NFIA: variants seen among roughly 807,000 people sequenced by gnomAD.
NFIA encodes the protein nuclear factor I A.
A neutral mutation model predicts 62.8 loss-of-function variants in NFIA; 8 were observed. The observed-to-expected ratio is 0.13, with a 90% CI of 0.07 to 0.23. NFIA has a LOEUF of 0.23. NFIA is among the 10% of genes least tolerant of loss of function. NFIA has a pLI of 1.00. For missense variants in NFIA, 410 were observed against 642.1 expected (o/e 0.64, Z 3.91); for synonymous variants, 235 against 238.1 (o/e 0.99, Z 0.12).
At chr1:61,430,240 T>C (rs995682322) in intron 10 of NFIA, among the ~76,000 whole-genome samples, 4 of 152,240 alleles carry the variant, frequency 2.6e-5, no homozygotes, top group African/African-American at 9.6e-5. Context: ...CTAATTATCA[T>C]GCCCAGCACA....
intron 3 of NFIA, among the ~76,000 whole-genome samples, chr1:61,309,981 T>G (rs1660011873): frequency 6.6e-6 from 1 of 152,254 alleles, no homozygotes; most frequent in African/African-American, 2.4e-5. Flanking sequence ...TTGCTTCTCT[T>G]TTAACTTTTT....
Position 61,328,428 on chromosome 1 carries a change from A to AT in NFIA, c.626-4083dup, listed in dbSNP as rs386353990. 7.5e-3 allele frequency among the ~76,000 whole-genome samples: 247 copies of AT among 32,810 alleles called. 1 individual carries two copies. The highest frequency in any genetic ancestry group is 0.051 in the South Asian group (40 of 780). The allele number at this position is 32,810 out of a possible 152,430, so 21.5% of individuals were successfully genotyped here. ...TTCATATCATTTATTTTATATATATATATTTTTTTCGAGACGGAATTTCGC... is the reference window on the plus strand; with the variant it reads ...TTCATATCATTTATTTTATATATATATTATTTTTTTCGAGACGGAATTTCGC... On this transcript the variant is annotated intron_variant, in intron 3 of 10. Transcript: ENST00000403491.
intron 7 of NFIA, among the ~76,000 whole-genome samples, chr1:61,386,216 C>A (rs1012649454): frequency 6.6e-6 from 1 of 152,006 alleles, no homozygotes; most frequent in Non-Finnish European, 1.5e-5. Context: ...AAGATGAGGC[C>A]AAAATTGAGG....
chr1:61,361,708 TA>T (rs1180174191), intron 6 of NFIA, among the ~76,000 whole-genome samples: 3 of 152,028 alleles, frequency 2.0e-5, no homozygotes, highest in Non-Finnish European at 2.9e-5. Flanking sequence ...TCATAAATTT[TA>T]ACATTTGAAT....
At chr1:61,100,773 T>G (rs1434325683) in intron 2 of NFIA, among the ~76,000 whole-genome samples, 1 of 151,942 alleles carries the variant, frequency 6.6e-6, no homozygotes, top group Non-Finnish European at 1.5e-5. Flanking sequence ...AAAAAAATAT[T>G]TTGTGGAGAT....
intron 10 of NFIA, among the ~76,000 whole-genome samples, chr1:61,432,767 A>G (rs1667162015): frequency 6.6e-6 from 1 of 151,996 alleles, no homozygotes; most frequent in Non-Finnish European, 1.5e-5. Context: ...CACAGCTGCA[A>G]ACTCCCAAGA....
chr1:61,401,271 T>G (rs1665543919), intron 7 of NFIA, among the ~76,000 whole-genome samples: 1 of 152,250 alleles, frequency 6.6e-6, no homozygotes. Flanking sequence ...TTGATTCTTA[T>G]AAATCAGTCA....
At chr1:61,197,147 G>A (rs1342696502) in intron 2 of NFIA, among the ~76,000 whole-genome samples, 1 of 151,018 alleles carries the variant, frequency 6.6e-6, no homozygotes, top group Non-Finnish European at 1.5e-5. Flanking sequence ...TATTCCAGAA[G>A]AATTTCATTA....
intron 2 of NFIA, among the ~76,000 whole-genome samples, chr1:61,157,773 C>T (rs945884590): frequency 7.9e-5 from 12 of 152,158 alleles, no homozygotes; most frequent in Non-Finnish European, 1.5e-4. Context: ...CTGCTGACCA[C>T]AAAAAGGAAG....
chr1:61,310,854 G>A (rs74220867), intron 3 of NFIA, among the ~76,000 whole-genome samples: 2 of 143,802 alleles, frequency 1.4e-5, no homozygotes, highest in Non-Finnish European at 3.0e-5. Flanking sequence ...CTTGCTCTGC[G>A]CTTTTGTTGC....
rs538584770 is a variant in NFIA at position 61,284,286 on chromosome 1, C to G, written c.625+6701C>G. On this transcript the variant is annotated intron_variant, in intron 3 of 10. Transcript: ENST00000403491. ...CAGCAATGCAATGGAGCTAGTCTCT[C>G]TTCTTTAAGAGATTAGGGAACTAGA... 1.3e-3 allele frequency among the ~76,000 whole-genome samples: 201 copies of G among 152,312 alleles called. 1 individual carries two copies. The highest frequency in any genetic ancestry group is 4.3e-3 in the African/African-American group (180 of 41,566).
intron 2 of NFIA, chr1:61,124,934 A>G (rs1411953662): frequency 2.6e-5 from 4 of 152,166 alleles, no homozygotes; most frequent in African/African-American, 7.2e-5. Flanking sequence ...CTGAAATGAC[A>G]AGAGAGCCCA....
upstream of NFIA, chr1:61,082,465 C>T (rs1383263180): frequency 2.7e-5 from 29 of 1,059,716 alleles, no homozygotes; most frequent in Admixed American, 5.7e-5. Context: ...TCGCGGGCAC[C>T]CGGCCGGGCC....
chr1:61,452,519 T>C (rs1001051608), intron 10 of NFIA, among the ~76,000 whole-genome samples: 2 of 152,132 alleles, frequency 1.3e-5, no homozygotes, highest in African/African-American at 2.4e-5. Context: ...TAAGGTTTTT[T>C]CACGGGTTAT....
intron 7 of NFIA, among the ~76,000 whole-genome samples, chr1:61,401,421 C>T (rs1569773011): frequency 6.6e-6 from 1 of 152,034 alleles, no homozygotes; most frequent in South Asian, 2.1e-4. Context: ...TTGTCTTTTA[C>T]GTATTTAACA....
At chr1:61,137,982 A>G (rs1647237243) in intron 2 of NFIA, among the ~76,000 whole-genome samples, 1 of 150,704 alleles carries the variant, frequency 6.6e-6, no homozygotes, top group Non-Finnish European at 1.5e-5. Context: ...GAAGGAGGCC[A>G]AATTAGATGG....
chr1:61,184,534 T>TC (rs1651017848), intron 2 of NFIA, among the ~76,000 whole-genome samples: 1 of 152,262 alleles, frequency 6.6e-6, no homozygotes, highest in Admixed American at 6.5e-5. Context: ...AAAATGGATT[T>TC]CCCTTCTTGG....
At chr1:61,319,736 G>A (rs1186585716) in intron 3 of NFIA, among the ~76,000 whole-genome samples, 1 of 150,948 alleles carries the variant, frequency 6.6e-6, no homozygotes, top group African/African-American at 2.5e-5. Flanking sequence ...AGGGGCTGAA[G>A]AAGTAGAATG....
intron 2 of NFIA, among the ~76,000 whole-genome samples, chr1:61,107,284 T>A (rs921315419): frequency 6.6e-6 from 1 of 151,690 alleles, no homozygotes; most frequent in Non-Finnish European, 1.5e-5. Context: ...GTTTATACGA[T>A]CACTCGCTGT....
Sources: gnomAD v4.1 joint callset for allele counts (sites outside exome capture counted in the v4.1 genomes callset) on GRCh38, gnomAD v4.1.1 for gene constraint, MANE v1.5 for transcripts, NCBI Gene and HGNC (gene_info 2026-07-23, HGNC 2026-07-21) for gene names.